Variants in ISM1 observed in about 807,000 individuals in gnomAD.
The protein encoded by ISM1 is isthmin-1.
A neutral mutation model predicts 46.3 loss-of-function variants in ISM1; 25 were observed. That is an observed-to-expected ratio of 0.54 (90% CI 0.39 to 0.75). The LOEUF (loss-of-function observed/expected upper bound fraction) is 0.75. Among genes scored for constraint, ISM1 ranks in the 30% least tolerant of loss-of-function variants. The pLI is 0.00. For missense variants in ISM1, 536 were observed against 625.4 expected, an observed-to-expected ratio of 0.86 and a Z score of 1.52; for synonymous variants, 255 against 256.7, an observed-to-expected ratio of 0.99 and a Z score of 0.06.
At chr20:13,289,475 T>C (rs2040329620) in intron 4 of ISM1, among the ~76,000 whole-genome samples, 1 of 152,212 alleles carries the variant, frequency 6.6e-6, no homozygotes, top group Admixed American at 6.5e-5. Flanking sequence ...AATTGCACAC[T>C]TGGTGAGAGG....
downstream of ISM1, among the ~76,000 whole-genome samples, chr20:13,301,182 TA>T (rs2040455376): frequency 6.6e-6 from 1 of 152,336 alleles, no homozygotes; most frequent in East Asian, 1.9e-4. Flanking sequence ...GAAAACTTTT[TA>T]CCAGTCATTT....
chr20:13,246,061 C>T (rs942497006), intron 1 of ISM1, among the ~76,000 whole-genome samples: 6 of 152,108 alleles, frequency 3.9e-5, no homozygotes, highest in East Asian at 3.9e-4. Flanking sequence ...TGAAGTCAGG[C>T]GTTCAAGACC....
chr20:13,254,622 C>G (rs781153186), intron 1 of ISM1, among the ~76,000 whole-genome samples: 3 of 152,106 alleles, frequency 2.0e-5, no homozygotes, highest in African/African-American at 7.2e-5. Flanking sequence ...AGCACAGTCT[C>G]TATATTCTCT....
chr20:13,282,548 C>T (rs998601268), intron 3 of ISM1, among the ~76,000 whole-genome samples: 1 of 152,188 alleles, frequency 6.6e-6, no homozygotes, highest in Non-Finnish European at 1.5e-5. Context: ...CTCAGCCACC[C>T]TCACCCCCAG....
At chr20:13,313,381 A>C in the ISM1 span, among the ~76,000 whole-genome samples, 1 of 152,228 alleles carries the variant, frequency 6.6e-6, no homozygotes, top group Non-Finnish European at 1.5e-5. Context: ...CTCTTGTGTC[A>C]ATCACAGAAT....
At chr20:13,318,249 T>A in the ISM1 span, among the ~76,000 whole-genome samples, 2 of 152,134 alleles carry the variant, frequency 1.3e-5, no homozygotes, top group East Asian at 3.8e-4. Flanking sequence ...TCACATCATA[T>A]GTCATCAGGG....
intron 1 of ISM1, among the ~76,000 whole-genome samples, chr20:13,256,984 A>C (rs1290993627): frequency 6.6e-6 from 1 of 152,166 alleles, no homozygotes; most frequent in Admixed American, 6.5e-5. Context: ...AGTGAAGAGA[A>C]AATGTAACAA....
rs575097192 is a variant in ISM1, at chr20:13,275,926, G to T, written c.379-3708G>T. Among the ~76,000 whole-genome samples the T allele has an allele frequency of 2.6e-5, 4 of 152,320 alleles. No individual in the cohort carries two copies. In the South Asian group the frequency reaches 8.3e-4, roughly 32 times the overall value. ...CGTCCCTGAAAATTGAGTCTAAGTT[G>T]TGTAGAAGGGACAGTAATGCCTAGA... On this transcript the variant is annotated intron_variant, in intron 2 of 5. Coordinates refer to ENST00000262487, the MANE Select transcript of ISM1 (RefSeq NM_080826.2).
rs548737876 is a variant in ISM1, at chr20:13,277,880, G to C, written c.379-1754G>C. ...TCCAGACTCCACAAAACCACAGCCC[G>C]GGCCCATTGGCTGGGCAACATCATT... On this transcript the variant is annotated intron_variant, in intron 2 of 5. Coordinates refer to ENST00000262487, the MANE Select transcript of ISM1 (RefSeq NM_080826.2). Among the ~76,000 whole-genome samples, 4 of 152,144 alleles carry C rather than the reference G, an allele frequency of 2.6e-5. No homozygotes were observed. In the South Asian group the frequency reaches 8.3e-4, roughly 32 times the overall value.
At chr20:13,242,352 G>A (rs2039736241) in intron 1 of ISM1, among the ~76,000 whole-genome samples, 1 of 152,204 alleles carries the variant, frequency 6.6e-6, no homozygotes, top group African/African-American at 2.4e-5. Context: ...AAAGGAGCAG[G>A]ATTTGTTTGT....
At position 13,243,564 on chromosome 20, in the gene ISM1, G is replaced by A. The variant is rs191537277; in HGVS notation, c.138+21650G>A. 2.5e-3 allele frequency among the ~76,000 whole-genome samples: 387 copies of A among 152,100 alleles called. 4 individuals are homozygous for A. Among genetic ancestry groups the A allele is most frequent in the African/African-American group, 8.7e-3 (360 of 41,478 alleles). On this transcript the variant is annotated intron_variant, in intron 1 of 5. Coordinates refer to ENST00000262487, the MANE Select transcript of ISM1 (RefSeq NM_080826.2). ...TTGTCTTATTCCTGCTTGACCTCTA[G>A]GTCTCTCTTATTATAAAAGCAGTAA...
Position 13,299,633 on chromosome 20 carries a change from C to T in ISM1, c.*174C>T. 1.6e-6 allele frequency: 1 copy of T among 628,382 alleles called. No homozygotes were observed. Among genetic ancestry groups the T allele is most frequent in the Non-Finnish European group, 2.6e-6 (1 of 381,026 alleles). The allele number at this position is 628,382 out of a possible 1,614,324, so 38.9% of individuals were successfully genotyped here. Reference sequence around the variant, plus strand: ...GGCGTGTGCCACGCCCAGGGGACTGCCTTGTGAAGCCGCCCTCGCCATCTG... The same window carrying T: ...GGCGTGTGCCACGCCCAGGGGACTGTCTTGTGAAGCCGCCCTCGCCATCTG... On this transcript the variant is annotated 3_prime_UTR_variant, in exon 6 of 6. Coordinates refer to ENST00000262487, the MANE Select transcript of ISM1 (RefSeq NM_080826.2). This position sits in a 1 kb window ranked among gnomAD's most constrained non-coding sequence, Gnocchi z 5.8.
intron 3 of ISM1, 57 bp downstream of exon 3, chr20:13,279,955 C>T (rs750578427): frequency 3.8e-5 from 58 of 1,525,574 alleles, no homozygotes; most frequent in African/African-American, 6.9e-5. Flanking sequence ...AGGATGATGC[C>T]TTGGACATGG....
intron 1 of ISM1, among the ~76,000 whole-genome samples, chr20:13,228,193 G>A (rs758402983): frequency 7.9e-5 from 12 of 151,310 alleles, no homozygotes; most frequent in African/African-American, 1.9e-4. Flanking sequence ...GGCTGGTCTC[G>A]AACTCTTCAT....
At chr20:13,237,987 G>A (rs1342404417) in intron 1 of ISM1, 2 of 152,126 alleles carry the variant, frequency 1.3e-5, no homozygotes, top group Non-Finnish European at 2.9e-5. Context: ...AGAGTGACCA[G>A]CAAATTTACT....
the ISM1 span, among the ~76,000 whole-genome samples, chr20:13,319,233 A>C: frequency 1.3e-5 from 2 of 152,118 alleles, no homozygotes; most frequent in African/African-American, 4.8e-5. Flanking sequence ...AAAAAAAAAA[A>C]CACTAATTGC....
At chr20:13,249,168 GA>G (rs1304272740) in intron 1 of ISM1, among the ~76,000 whole-genome samples, 2 of 152,130 alleles carry the variant, frequency 1.3e-5, no homozygotes, top group African/African-American at 4.8e-5. Flanking sequence ...GATCTGGGGG[GA>G]AAAAGCCAAA....
intron 1 of ISM1, among the ~76,000 whole-genome samples, chr20:13,247,547 T>C (rs1219489273): frequency 6.6e-6 from 1 of 151,638 alleles, no homozygotes; most frequent in African/African-American, 2.4e-5. Flanking sequence ...TGTGTGTGTG[T>C]GTGTGTGTGT....
At chr20:13,288,160 CCT>C (rs1279086659) in intron 3 of ISM1, among the ~76,000 whole-genome samples, 1 of 152,084 alleles carries the variant, frequency 6.6e-6, no homozygotes, top group Non-Finnish European at 1.5e-5. Flanking sequence ...AATAGATTCT[CCT>C]CTCTCTCTCT....
Sources: allele counts gnomAD v4.1 joint callset (sites outside exome capture counted in the v4.1 genomes callset), GRCh38; gene constraint gnomAD v4.1.1; non-coding constraint Gnocchi (gnomAD v3.1); transcripts MANE v1.5; gene names NCBI Gene and HGNC (gene_info 2026-07-23, HGNC 2026-07-21).